Variants in USP7 observed in about 807,000 individuals in gnomAD.
USP7 encodes ubiquitin specific peptidase 7.
Under a neutral mutation model 162.9 loss-of-function variants are expected in USP7, and 9 were observed. The ratio of observed to expected loss-of-function variants is 0.06; its 90% CI spans 0.03 to 0.10. The LOEUF is 0.10. USP7 is among the 10% of genes least tolerant of loss of function. The pLI, the probability that USP7 is intolerant of heterozygous loss-of-function variation, is 1.00. For missense variants in USP7, 715 were observed against 1,373.7 expected (o/e 0.52, Z 7.58); for synonymous variants, 562 against 475.9 (o/e 1.18, Z -2.35).
intron 23 of USP7, 147 bp downstream of exon 23, chr16:8,898,974 G>T: frequency 2.4e-6 from 2 of 844,250 alleles, no homozygotes; most frequent in East Asian, 2.5e-5. Flanking sequence ...TGGTCAAGAT[G>T]TGAGTGGTGA....
At chr16:8,958,981 C>T (rs944608501) in intron 1 of USP7, among the ~76,000 whole-genome samples, 3 of 152,226 alleles carry the variant, frequency 2.0e-5, no homozygotes, top group Non-Finnish European at 4.4e-5. Context: ...TTCGATGGCC[C>T]CACCTGTGGT....
rs1047270820 is a variant in USP7 at position 8,893,944 on chromosome 16, C to G, written c.*54G>C. On this transcript the variant is annotated 3_prime_UTR_variant, in exon 31 of 31. Transcript: ENST00000344836. ...AGGGCACGTGCACCAAAGTTCTAGG[C>G]TGTTAAGGGGCCACCCACACACCGT... 3 of 1,530,528 alleles carry G rather than the reference C, an allele frequency of 2.0e-6. No individual in the cohort carries two copies. The African/African-American group carries it at 4.1e-5, about 21-fold the overall frequency. 94.8% of individuals were successfully genotyped at this position (1,530,528 alleles called of 1,614,324 possible). A position where few individuals can be genotyped will look rare whatever the true frequency, so the allele number is the denominator to read the frequency against.
At chr16:8,901,966 T>C (rs997957878) in intron 18 of USP7, 116 bp downstream of exon 18, 10 of 860,108 alleles carry the variant, frequency 1.2e-5, no homozygotes, top group Admixed American at 2.5e-5. Context: ...TTTTGTGGAA[T>C]TGATCAACAC....
In USP7 at chr16:8,901,012, T is replaced by G. The variant is rs967952352; in HGVS notation, c.2186A>C (p.Asp729Ala). The G allele has an allele frequency of 6.2e-7, 1 of 1,613,996 alleles. No homozygotes were observed. Among genetic ancestry groups the G allele is most frequent in the Non-Finnish European group, 8.5e-7 (1 of 1,180,024 alleles). Residue 729 changes from aspartate to alanine, a missense_variant, in exon 20 of 31, where the codon GAT (aspartate) becomes GCT (alanine). Around this residue, in one of 11 missense-constraint regions of USP7, gnomAD observed 197 missense variants for 306.5 expected, o/e 0.64. Transcript: ENST00000344836. ...VMCDRAGFIQ[D>A]TSLILYEEVK... ...AACCTCATAGAGGATAAGGCTAGTA[T>G]CTTGAATAAATCCTGCTCTGTCACA...
chr16:8,941,370 C>T lies in USP7; in HGVS notation c.80-10973G>A, dbSNP rs545177221. On this transcript the variant is annotated intron_variant, in intron 1 of 30. Coordinates refer to ENST00000344836, the MANE Select transcript of USP7 (RefSeq NM_003470.3). ...CATACCCTACATATCCTGCAGTCTG[C>T]GGTTAACAACTTTTTAACAAAGAAA... Among the ~76,000 whole-genome samples, 23 of 152,320 alleles carry T rather than the reference C, an allele frequency of 1.5e-4. No individual in the cohort carries two copies. In the East Asian group the frequency reaches 3.7e-3, roughly 24 times the overall value.
At chr16:8,912,714 G>A (rs2061967111) in intron 10 of USP7, among the ~76,000 whole-genome samples, 1 of 151,436 alleles carries the variant, frequency 6.6e-6, no homozygotes, top group African/African-American at 2.4e-5. Flanking sequence ...TTGGGCACAG[G>A]ACCTCCGAGA....
In USP7 at chr16:8,912,726, T is replaced by A. The variant is rs2061967424; in HGVS notation, c.1079-1899A>T. Among the ~76,000 whole-genome samples the A allele has an allele frequency of 2.0e-5, 3 of 151,004 alleles. No homozygotes were observed. The South Asian group carries it at 6.3e-4, about 32-fold the overall frequency. On this transcript the variant is annotated intron_variant, in intron 10 of 30. Transcript: ENST00000344836. The stretch of plus-strand genomic sequence containing the variant: ...TGATTGGGCACAGGACCTCCGAGAC[T>A]AGCCTGGCCTAACACAGCAAGACCT...
At chr16:8,894,704 G>T in intron 29 of USP7, 64 bp from the exon 30 acceptor site, 2 of 1,611,256 alleles carry the variant, frequency 1.2e-6, no homozygotes, top group Non-Finnish European at 1.7e-6. Context: ...CACATCTCTG[G>T]CAAAAAAGCC....
intron 1 of USP7, among the ~76,000 whole-genome samples, chr16:8,948,751 A>C (rs1436462151): frequency 6.6e-6 from 1 of 152,002 alleles, no homozygotes; most frequent in African/African-American, 2.4e-5. Flanking sequence ...ACAACGATAA[A>C]AGCAGCCAAA....
At chr16:8,916,941 AACTT>A in intron 7 of USP7, 81 bp downstream of exon 7, 1 of 1,437,890 alleles carries the variant, frequency 7.0e-7, no homozygotes, top group Middle Eastern at 2.0e-4. Flanking sequence ...ATGCTCTACT[AACTT>A]TTCTATTCTC....
At chr16:8,910,929 G>C (rs1438657738) in intron 10 of USP7, 102 bp from the exon 11 acceptor site, 1 of 983,430 alleles carries the variant, frequency 1.0e-6, no homozygotes, top group South Asian at 1.4e-5. Flanking sequence ...GATTAGCAGA[G>C]AAGGTAAACA....
intron 25 of USP7, among the ~76,000 whole-genome samples, chr16:8,897,649 C>T (rs554992619): frequency 7.4e-6 from 1 of 135,182 alleles, no homozygotes; most frequent in African/African-American, 2.8e-5. Context: ...GATGCTTGAG[C>T]CCAGGAGCTC....
rs761195918 is a variant in USP7 at position 8,920,322 on chromosome 16, G to A, written c.611+37C>T. On this transcript the variant is annotated intron_variant, in intron 5 of 30. Transcript: ENST00000344836. Reference sequence around the variant, plus strand: ...AAGCTTCTTTCACTGCAGCACAAAAGACATTTTTAACAGCACCTGATTAAA... The same window carrying A: ...AAGCTTCTTTCACTGCAGCACAAAAAACATTTTTAACAGCACCTGATTAAA... 134 of 1,560,056 alleles carry A rather than the reference G, an allele frequency of 8.6e-5. 6 individuals carry two copies. In the South Asian group the frequency reaches 1.4e-3, roughly 17 times the overall value.
At chr16:8,903,924 A>G (rs2061818974) in intron 15 of USP7, among the ~76,000 whole-genome samples, 3 of 152,052 alleles carry the variant, frequency 2.0e-5, no homozygotes, top group Admixed American at 2.0e-4. Context: ...CACTGCAATA[A>G]CTTAACTCAC....
intron 16 of USP7, 103 bp from the exon 17 acceptor site, chr16:8,902,585 TC>T: frequency 1.0e-6 from 1 of 954,964 alleles, no homozygotes; most frequent in East Asian, 2.8e-5. Flanking sequence ...ATATATATAG[TC>T]AATGTTAAGA....
rs1379830847 is a variant in USP7 at position 8,910,704 on chromosome 16, G to C, written c.1161+41C>G. On this transcript the variant is annotated intron_variant, in intron 11 of 30. Transcript: ENST00000344836. The stretch of plus-strand genomic sequence containing the variant: ...AATTAAAAGAATTGAAAATAAAGAA[G>C]AACGCTACAACAGGACACTAGCACA... 3.2e-6 allele frequency: 5 copies of C among 1,551,296 alleles called. No homozygotes were observed. In the South Asian group the frequency reaches 4.7e-5, roughly 15 times the overall value.
chr16:8,908,530 A>T, intron 11 of USP7, 80 bp from the exon 12 acceptor site: 1 of 1,211,978 alleles, frequency 8.3e-7, no homozygotes, highest in African/African-American at 1.5e-5. Flanking sequence ...CGGTTCAGCA[A>T]GATTGGAACA....
chr16:8,893,703 C>G lies in USP7; in HGVS notation c.*295G>C, dbSNP rs2061638113. ...CAGCCCAGAGACCTTGAGCCAGGGACCCCCGATCCACTAACCTCTTCTCCC... is the reference window on the plus strand; with the variant it reads ...CAGCCCAGAGACCTTGAGCCAGGGAGCCCCGATCCACTAACCTCTTCTCCC... On this transcript the variant is annotated 3_prime_UTR_variant, in exon 31 of 31. Coordinates refer to ENST00000344836, the MANE Select transcript of USP7 (RefSeq NM_003470.3). 1.4e-5 allele frequency: 5 copies of G among 346,956 alleles called. No homozygotes were observed. The highest frequency in any genetic ancestry group is 8.6e-5 in the South Asian group (3 of 34,968). 21.5% of individuals were successfully genotyped at this position (346,956 alleles called of 1,614,324 possible).
At chr16:8,911,555 C>T (rs909437780) in intron 10 of USP7, among the ~76,000 whole-genome samples, 3 of 152,310 alleles carry the variant, frequency 2.0e-5, no homozygotes, top group African/African-American at 4.8e-5. Context: ...TGTCACGCTC[C>T]GGACACATGC....
Sources: gnomAD v4.1 joint callset for allele counts (sites outside exome capture counted in the v4.1 genomes callset) on GRCh38, gnomAD v4.1.1 for gene constraint, gnomAD v4.1.1 regional missense constraint, MANE v1.5 for transcripts, NCBI Gene and HGNC (gene_info 2026-07-23, HGNC 2026-07-21) for gene names.